Variants in ZPBP observed in about 807,000 individuals in gnomAD.
ZPBP encodes zona pellucida binding protein.
A neutral mutation model predicts 44.8 loss-of-function variants in ZPBP; 26 were observed. The observed-to-expected ratio is 0.58, with a 90% CI of 0.43 to 0.81. The LOEUF (loss-of-function observed/expected upper bound fraction) is 0.81, where lower values mean the gene tolerates loss of function less well. Ranked by LOEUF, ZPBP falls within the 30% of genes least tolerant of loss-of-function variation. The probability of loss-of-function intolerance (pLI) is 0.00; values close to 1 mark genes in which losing one functional copy is unlikely to be tolerated. For missense variants in ZPBP, 409 were observed against 434.0 expected (o/e 0.94, Z 0.51); for synonymous variants, 174 against 153.2 (o/e 1.14, Z -1.00).
chr7:49,872,774 G>A (rs1233821738), intron 2 of ZPBP, among the ~76,000 whole-genome samples: 2 of 147,366 alleles, frequency 1.4e-5, no homozygotes, highest in Admixed American at 6.8e-5. Context: ...AAATTAGTCC[G>A]GTGTGGTGGC....
At chr7:49,989,362 A>T (rs995840279) in intron 6 of ZPBP, among the ~76,000 whole-genome samples, 1 of 152,174 alleles carries the variant, frequency 6.6e-6, no homozygotes, top group Admixed American at 6.5e-5. Context: ...TGCCCAACTC[A>T]CAGGTTTGAG....
Position 50,024,697 on chromosome 7 carries a change from CAA to C in ZPBP, c.707-6383_707-6382del, listed in dbSNP as rs567959592. Reference sequence around the variant, plus strand: ...GTGGGAGTAATAAGGAGATGTGAATCAAAGTGTACAAAGTTGTAGTTAAGAAG... The same window carrying C: ...GTGGGAGTAATAAGGAGATGTGAATCAGTGTACAAAGTTGTAGTTAAGAAG... On this transcript the variant is annotated intron_variant, in intron 5 of 7. Coordinates refer to ENST00000046087, the MANE Select transcript of ZPBP (RefSeq NM_007009.3). Among the ~76,000 whole-genome samples, 23 of 151,760 alleles carry C rather than the reference CAA, an allele frequency of 1.5e-4. No individual in the cohort carries two copies. In the East Asian group the frequency reaches 4.3e-3, roughly 28 times the overall value.
intron 2 of ZPBP, among the ~76,000 whole-genome samples, chr7:49,854,555 G>C (rs914616701): frequency 6.6e-6 from 1 of 152,122 alleles, no homozygotes; most frequent in African/African-American, 2.4e-5. Flanking sequence ...CTTTTTGATG[G>C]GGTTGTTAGT....
chr7:50,091,102 T>C (rs949536225), intron 1 of ZPBP, among the ~76,000 whole-genome samples: 1 of 152,198 alleles, frequency 6.6e-6, no homozygotes, highest in African/African-American at 2.4e-5. Flanking sequence ...GTTGGCCATT[T>C]GTATATCTTC....
intron 5 of ZPBP, among the ~76,000 whole-genome samples, chr7:50,021,594 G>C (rs1057161651): frequency 4.6e-5 from 7 of 151,984 alleles, no homozygotes; most frequent in African/African-American, 1.7e-4. Flanking sequence ...TGAGAAAGTG[G>C]CAAAAAGAGT....
chr7:49,900,980 C>T (rs1459932747), intron 2 of ZPBP: 2 of 151,750 alleles, frequency 1.3e-5, no homozygotes, highest in African/African-American at 4.8e-5. Context: ...GAAGAAAAAT[C>T]ACGATGATAT....
downstream of ZPBP, among the ~76,000 whole-genome samples, chr7:49,935,303 G>A (rs979651006): frequency 2.6e-5 from 4 of 152,192 alleles, no homozygotes; most frequent in South Asian, 2.1e-4. Context: ...GTGATATAAC[G>A]AAGAACATTT....
intron 2 of ZPBP, among the ~76,000 whole-genome samples, chr7:49,881,868 T>C (rs1301121171): frequency 2.0e-5 from 3 of 152,092 alleles, no homozygotes; most frequent in East Asian, 3.8e-4. Flanking sequence ...GTTGAATTCA[T>C]AGATTTTTTA....
chr7:50,042,274 T>A (rs966450035), intron 4 of ZPBP, among the ~76,000 whole-genome samples: 1 of 152,042 alleles, frequency 6.6e-6, no homozygotes, highest in Non-Finnish European at 1.5e-5. Context: ...CAGGAGAACT[T>A]CCCCAACCTA....
chr7:49,856,472 C>T (rs1037833433), intron 2 of ZPBP, among the ~76,000 whole-genome samples: 6 of 152,104 alleles, frequency 3.9e-5, no homozygotes, highest in Non-Finnish European at 8.8e-5. Context: ...AGATCATGAG[C>T]CAAATATACT....
intron 2 of ZPBP, 71 bp from the exon 3 acceptor site, chr7:50,081,970 T>C (rs1802382039): frequency 5.1e-6 from 8 of 1,560,344 alleles, no homozygotes; most frequent in Non-Finnish European, 6.1e-6. Context: ...TGTACACTTT[T>C]GTAGTTTGGG....
chr7:50,062,211 G>T (rs1161725225), intron 3 of ZPBP, among the ~76,000 whole-genome samples: 1 of 152,056 alleles, frequency 6.6e-6, no homozygotes, highest in Non-Finnish European at 1.5e-5. Context: ...CATGCTCATG[G>T]GTAGAAAGAA....
At chr7:49,978,605 A>G (rs777444593) in intron 7 of ZPBP, among the ~76,000 whole-genome samples, 10 of 152,020 alleles carry the variant, frequency 6.6e-5, no homozygotes, top group Non-Finnish European at 1.2e-4. Flanking sequence ...TAAACATGGT[A>G]TATCATTTTA....
chr7:49,970,067 G>A, intron 7 of ZPBP, among the ~76,000 whole-genome samples: 1 of 152,050 alleles, frequency 6.6e-6, no homozygotes, highest in East Asian at 1.9e-4. Flanking sequence ...AGCCATGTTG[G>A]CCAGACTGAT....
chr7:49,902,887 AC>A (rs1388190667), intron 1 of ZPBP, among the ~76,000 whole-genome samples: 4 of 152,186 alleles, frequency 2.6e-5, no homozygotes. Context: ...AAGGAACAGT[AC>A]GTGGAACATA....
rs1174115789 is a variant in ZPBP at position 50,093,052 on chromosome 7, C to A, written c.127+16G>T. On this transcript the variant is annotated intron_variant, in intron 1 of 7. Transcript: ENST00000046087. ...GGTTGTCCCTGCGGAGCCGGCAGGG[C>A]GGCGCGGACCCTCACCTGATGAGGG... 1 of 1,594,566 alleles carries A rather than the reference C, an allele frequency of 6.3e-7. No homozygotes were observed. The highest frequency in any genetic ancestry group is 1.7e-5 in the Admixed American group (1 of 57,578).
At chr7:49,901,538 A>G (rs1425618325) in intron 1 of ZPBP, among the ~76,000 whole-genome samples, 1 of 151,906 alleles carries the variant, frequency 6.6e-6, no homozygotes, top group African/African-American at 2.4e-5. Context: ...ATATAAAATT[A>G]TGATAGAAAA....
chr7:50,083,269 T>C lies in ZPBP; in HGVS notation c.209-1370A>G, dbSNP rs571634850. Among the ~76,000 whole-genome samples the C allele has an allele frequency of 5.3e-5, 8 of 152,094 alleles. No individual in the cohort carries two copies. The East Asian group carries it at 1.5e-3, about 29-fold the overall frequency. ...TCAACAATAATGCATTAAACCATTT[T>C]ATAGGAAGGAAGATAATATTTAGAG... On this transcript the variant is annotated intron_variant, in intron 2 of 7. Coordinates refer to ENST00000046087, the MANE Select transcript of ZPBP (RefSeq NM_007009.3).
downstream of ZPBP, among the ~76,000 whole-genome samples, chr7:49,848,245 C>T (rs1166497931): frequency 6.6e-6 from 1 of 152,184 alleles, no homozygotes; most frequent in African/African-American, 2.4e-5. Context: ...GTCTGTGGTG[C>T]AGCACTAGCT....
Sources: allele counts gnomAD v4.1 joint callset (sites outside exome capture counted in the v4.1 genomes callset), GRCh38; gene constraint gnomAD v4.1.1; transcripts MANE v1.5; gene names NCBI Gene and HGNC (gene_info 2026-07-23, HGNC 2026-07-21).